Variants in MBP observed in about 807,000 individuals in gnomAD.
MBP encodes the protein myelin basic protein, also known as Golli-MBP.
A neutral mutation model predicts 35.8 loss-of-function variants in MBP; 16 were observed. The observed-to-expected ratio is 0.45, with a 90% CI of 0.30 to 0.68. The LOEUF is 0.68. Among genes scored for constraint, MBP ranks in the 30% least tolerant of loss-of-function variants. MBP has a pLI of 0.08. For missense variants in MBP, 380 were observed against 404.7 expected (o/e 0.94, Z 0.52); for synonymous variants, 143 against 159.6 (o/e 0.90, Z 0.78).
chr18:77,017,313 AG>A (rs771837916), intron 3 of MBP, 45 bp from the exon 4 acceptor site: 1 of 1,464,810 alleles, frequency 6.8e-7, no homozygotes, highest in East Asian at 2.3e-5. Context: ...TGCAAAGCTG[AG>A]CACCGGACAA....
chr18:77,130,921 T>TAC (rs1977221278), intron 1 of MBP, among the ~76,000 whole-genome samples: 1 of 151,600 alleles, frequency 6.6e-6, no homozygotes, highest in Non-Finnish European at 1.5e-5. Context: ...AACCCGGAGT[T>TAC]AGTAGAAGTG....
chr18:77,027,710 T>C (rs945797846), intron 3 of MBP, among the ~76,000 whole-genome samples: 6 of 152,292 alleles, frequency 3.9e-5, no homozygotes, highest in Non-Finnish European at 7.4e-5. Flanking sequence ...TATTTAGAGA[T>C]GGGGTCTTGC....
chr18:76,999,244 G>A (rs957512530), intron 4 of MBP, among the ~76,000 whole-genome samples: 7 of 152,126 alleles, frequency 4.6e-5, no homozygotes, highest in Non-Finnish European at 7.3e-5. Context: ...AGCCATGGGG[G>A]ACGCTGAAGC....
chr18:77,001,335 G>T (rs1264533386), intron 4 of MBP, among the ~76,000 whole-genome samples: 1 of 152,224 alleles, frequency 6.6e-6, no homozygotes, highest in Non-Finnish European at 1.5e-5. Context: ...AGATACACGG[G>T]TGTAGATACA....
At chr18:77,089,333 T>C (rs1975407862) in intron 2 of MBP, among the ~76,000 whole-genome samples, 1 of 152,232 alleles carries the variant, frequency 6.6e-6, no homozygotes, top group African/African-American at 2.4e-5. Context: ...GGGCAGGAAT[T>C]CCTGCCTCAC....
In MBP at chr18:77,098,971, TCTC is replaced by T. The variant is rs1203520441; in HGVS notation, c.51+6237_51+6239del. On this transcript the variant is annotated intron_variant, in intron 2 of 8. Transcript: ENST00000355994. ...CTCACTCCTCCTTCCCCCTCCCTCT[TCTC>T]CTCTTCTCTCCCCTCCTCTCCATCC... Among the ~76,000 whole-genome samples, 14 of 149,440 alleles carry T rather than the reference TCTC, an allele frequency of 9.4e-5. No homozygotes were observed. In the South Asian group the frequency reaches 1.7e-3, roughly 19 times the overall value.
chr18:77,033,793 T>TCCATCCATCCAC (rs56663795), intron 3 of MBP, among the ~76,000 whole-genome samples: 17,973 of 143,680 alleles, frequency 0.13, 1,261 homozygotes, highest in Middle Eastern at 0.16. Flanking sequence ...CATCCATCCA[T>TCCATCCATCCAC]CCACCCACTC....
At chr18:77,123,530 C>T (rs895043339) in intron 1 of MBP, among the ~76,000 whole-genome samples, 2 of 152,228 alleles carry the variant, frequency 1.3e-5, no homozygotes, top group African/African-American at 4.8e-5. Flanking sequence ...CGGTCTGTTT[C>T]CTTCCTTCAC....
At chr18:77,080,678 TTTTA>T (rs1324164562) in intron 2 of MBP, among the ~76,000 whole-genome samples, 1 of 151,144 alleles carries the variant, frequency 6.6e-6, no homozygotes, top group Non-Finnish European at 1.5e-5. Context: ...ACTTTTTATA[TTTTA>T]TTTATTATTT....
rs1182348642 is a variant in MBP at position 76,989,021 on chromosome 18, AGCACCCGGGTGCCCAGCCTCCCCACTTCT to A, written c.682-138_682-110del. On this transcript the variant is annotated intron_variant, in intron 5 of 8. Transcript: ENST00000355994. This position sits in a 1 kb window ranked among gnomAD's most constrained non-coding sequence, Gnocchi z 4.0. ...TGGCTAGCATCCATCAGCTGCCAGA[AGCACCCGGGTGCCCAGCCTCCCCACTTCT>A]GTCCTAGTTGGTGAAGAAGTATAGA... The A allele has an allele frequency of 2.0e-6, 2 of 1,010,450 alleles. No individual in the cohort carries two copies. The highest frequency in any genetic ancestry group is 3.4e-5 in the Admixed American group (2 of 59,158). The allele number at this position is 1,010,450 out of a possible 1,614,324, so 62.6% of individuals were successfully genotyped here.
rs889735621 is a variant in MBP at position 77,101,130 on chromosome 18, T to A, written c.51+4081A>T. On this transcript the variant is annotated intron_variant, in intron 2 of 8. Coordinates refer to ENST00000355994, the MANE Select transcript of MBP (RefSeq NM_001025101.2). The surrounding 1 kb of genome is among the most constrained non-coding windows in gnomAD (Gnocchi z 4.3). The stretch of plus-strand genomic sequence containing the variant: ...GTCTTACGTCCTAAGGACCAAGGAC[T>A]GCCAGGCAGGCAAAGACTGCCTAAG... Among the ~76,000 whole-genome samples the A allele has an allele frequency of 2.0e-5, 3 of 152,376 alleles. No homozygotes were observed. The Middle Eastern group carries it at 0.01, about 518-fold the overall frequency.
intron 4 of MBP, among the ~76,000 whole-genome samples, chr18:76,997,759 T>C (rs974135515): frequency 4.0e-5 from 6 of 150,650 alleles, no homozygotes; most frequent in Non-Finnish European, 7.4e-5. Context: ...CTCGGCTCAC[T>C]GCAAGCTCCG....
At chr18:77,021,614 G>C (rs1971990954) in intron 3 of MBP, among the ~76,000 whole-genome samples, 1 of 151,668 alleles carries the variant, frequency 6.6e-6, no homozygotes, top group African/African-American at 2.4e-5. Context: ...CTCCCAAGTA[G>C]CTGGGATTAC....
chr18:77,001,319 A>G (rs1444303879), intron 4 of MBP, among the ~76,000 whole-genome samples: 1 of 152,208 alleles, frequency 6.6e-6, no homozygotes, highest in Non-Finnish European at 1.5e-5. Context: ...AGGAGAGTAA[A>G]TCACTAGATA....
At chr18:76,997,333 C>T (rs3794852) in intron 4 of MBP, among the ~76,000 whole-genome samples, 34,750 of 152,180 alleles carry the variant, frequency 0.23, 4,644 homozygotes, top group Admixed American at 0.32. Flanking sequence ...AAGCTCCAGC[C>T]CGGGCCTGAC....
chr18:77,033,081 C>T (rs1445036028), intron 3 of MBP, among the ~76,000 whole-genome samples: 1 of 152,174 alleles, frequency 6.6e-6, no homozygotes, highest in South Asian at 2.1e-4. Flanking sequence ...GATTCTCCTG[C>T]CTCAGCCTCC....
intron 4 of MBP, among the ~76,000 whole-genome samples, chr18:77,008,079 A>G (rs1358018392): frequency 6.6e-6 from 1 of 152,140 alleles, no homozygotes; most frequent in East Asian, 1.9e-4. Context: ...CACTGAGGAC[A>G]GCGTGCCTCT....
At chr18:77,073,509 G>T (rs757937389) in intron 2 of MBP, among the ~76,000 whole-genome samples, 11 of 152,238 alleles carry the variant, frequency 7.2e-5, no homozygotes, top group Admixed American at 6.5e-5. Flanking sequence ...TCTGCATGCA[G>T]TGGGTTGAGT....
chr18:76,990,099 C>T, intron 4 of MBP, 39 bp from the exon 5 acceptor site: 1 of 1,390,800 alleles, frequency 7.2e-7, no homozygotes, highest in Non-Finnish European at 1.0e-6. Flanking sequence ...GACAAGTCCA[C>T]AGTCCCTGCG....
Sources: gnomAD v4.1 joint callset for allele counts (sites outside exome capture counted in the v4.1 genomes callset) on GRCh38, gnomAD v4.1.1 for gene constraint, Gnocchi (gnomAD v3.1) non-coding constraint, MANE v1.5 for transcripts, NCBI Gene and HGNC (gene_info 2026-07-23, HGNC 2026-07-21) for gene names.